NRCAM: variants seen among roughly 807,000 people sequenced by gnomAD.
NRCAM encodes the protein neuronal cell adhesion molecule.
NRCAM carries 83 observed loss-of-function variants against 156.5 expected under a neutral mutation model. The observed-to-expected ratio is 0.53, with a 90% CI of 0.44 to 0.64. The LOEUF is 0.64. Among genes scored for constraint, NRCAM ranks in the 30% least tolerant of loss-of-function variants. NRCAM has a pLI of 0.00. For missense variants in NRCAM, 1,417 were observed against 1,597.3 expected, an observed-to-expected ratio of 0.89 and a Z score of 1.92; for synonymous variants, 538 against 563.9, an observed-to-expected ratio of 0.95 and a Z score of 0.65.
intron 3 of NRCAM, among the ~76,000 whole-genome samples, chr7:108,242,258 CAAAAAAAA>C (rs11413420): frequency 3.1e-4 from 31 of 98,500 alleles, no homozygotes; most frequent in Admixed American, 1.3e-3. Flanking sequence ...GACCCCGTCT[CAAAAAAAA>C]AAAAAAAAAA....
chr7:108,312,677 T>C lies in NRCAM; in HGVS notation c.-119A>G, dbSNP rs1340713360. 2.0e-5 allele frequency: 3 copies of C among 152,234 alleles called. No individual in the cohort carries two copies. Among genetic ancestry groups the C allele is most frequent in the African/African-American group, 2.4e-5 (1 of 41,464 alleles). The allele number at this position is 152,234 out of a possible 1,614,324, so 9.4% of individuals were successfully genotyped here. On this transcript the variant is annotated 5_prime_UTR_variant, in exon 3 of 33. Transcript: ENST00000379028. The stretch of plus-strand genomic sequence containing the variant: ...GACAAACTCTTACCTTTGAAGAAGC[T>C]CTTAAGTTGTTCTTCCTTTTAATTC...
At chr7:108,240,716 G>C (rs1399323942) in intron 3 of NRCAM, among the ~76,000 whole-genome samples, 2 of 152,066 alleles carry the variant, frequency 1.3e-5, no homozygotes, top group African/African-American at 4.8e-5. Context: ...CCTCCCTGTA[G>C]TCACCCTCCT....
intron 3 of NRCAM, among the ~76,000 whole-genome samples, chr7:108,275,197 C>A (rs1309264868): frequency 2.0e-5 from 3 of 152,098 alleles, no homozygotes; most frequent in African/African-American, 7.2e-5. Context: ...GCCTAAAATT[C>A]TCTTTTTTTG....
intron 2 of NRCAM, 80 bp downstream of exon 2, chr7:108,399,356 C>G (rs1395141497): frequency 6.6e-6 from 1 of 152,182 alleles, no homozygotes; most frequent in African/African-American, 2.4e-5. Flanking sequence ...CCTCTTTTCA[C>G]TACTTTCCAA....
Position 108,447,177 on chromosome 7 carries a change from A to G in NRCAM, c.-332+9066T>C, listed in dbSNP as rs117204023. Among the ~76,000 whole-genome samples, 44 of 151,648 alleles carry G rather than the reference A, an allele frequency of 2.9e-4. 1 individual carries two copies. In the East Asian group the frequency reaches 8.1e-3, roughly 28 times the overall value. On this transcript the variant is annotated intron_variant, in intron 1 of 32. Coordinates refer to ENST00000379028, the MANE Select transcript of NRCAM (RefSeq NM_001037132.4). ...TTTGATACATTACAGCAGCTCACTC[A>G]TCATATAATCCTTATGCAAAGTGAA...
At chr7:108,153,078 C>G (rs2150992479) in intron 32 of NRCAM, among the ~76,000 whole-genome samples, 1 of 152,110 alleles carries the variant, frequency 6.6e-6, no homozygotes, top group East Asian at 1.9e-4. Context: ...TCATGAGAAC[C>G]ACTCCTTTAA....
At chr7:108,250,392 C>CGA (rs2153890151) in intron 3 of NRCAM, among the ~76,000 whole-genome samples, 1 of 136,000 alleles carries the variant, frequency 7.4e-6, no homozygotes, top group African/African-American at 2.8e-5. Context: ...TGCCATGGCA[C>CGA]TCCAGTCTGG....
chr7:108,234,206 G>A (rs1191592974), intron 6 of NRCAM, among the ~76,000 whole-genome samples: 3 of 152,128 alleles, frequency 2.0e-5, no homozygotes, highest in African/African-American at 4.8e-5. Flanking sequence ...AGAATCAAAA[G>A]GCTCTTTCCA....
At chr7:108,328,876 C>A (rs1157055463) in intron 2 of NRCAM, among the ~76,000 whole-genome samples, 1 of 152,096 alleles carries the variant, frequency 6.6e-6, no homozygotes, top group East Asian at 1.9e-4. Flanking sequence ...TTTAGAATGG[C>A]CATCTGGGTT....
At chr7:108,180,150 C>T in intron 25 of NRCAM, 73 bp downstream of exon 25, 1 of 1,305,714 alleles carries the variant, frequency 7.7e-7, no homozygotes, top group Non-Finnish European at 1.1e-6. Context: ...TGATCAGTAG[C>T]CCTTCTGTCA....
Position 108,176,513 on chromosome 7 carries a change from C to G in NRCAM, c.3068G>C (p.Arg1023Pro). The G allele has an allele frequency of 6.2e-7, 1 of 1,613,578 alleles. No individual in the cohort carries two copies. The highest frequency in any genetic ancestry group is 8.5e-7 in the Non-Finnish European group (1 of 1,179,774). Residue 1023 changes from arginine (R) to proline (P), a missense_variant, in exon 27 of 33, where the codon CGA (arginine) becomes CCA (proline). Transcript: ENST00000379028. Reference sequence around the variant, plus strand: ...TTGTGCATAGAAATAAAACTTATATCGAGTGCTGAAATTTAAATTTTTTAA... The same window carrying G: ...TTGTGCATAGAAATAAAACTTATATGGAGTGCTGAAATTTAAATTTTTTAA... Reference protein sequence around the residue: ...WTLKNLNFSTRYKFYFYAQTS... With the variant: ...WTLKNLNFSTPYKFYFYAQTS...
In NRCAM at chr7:108,232,521, A is replaced by C. The variant is rs886697526; in HGVS notation, c.232T>G (p.Phe78Val). The stretch of plus-strand genomic sequence containing the variant: ...TGAGTCCCATTACGGGTCCAGGAAA[A>C]GCTGCCCAACACACGAAGTGTTAAG... The part of the protein sequence containing the change: ...CEAKGKPPPS[F>V]SWTRNGTHFD... The change falls in exon 7 of 33, where the codon TTT (phenylalanine) becomes GTT (valine). Residue 78 changes from phenylalanine (F) to valine (V), a missense_variant and splice_region_variant. Phe to Val is a conservative substitution (Grantham distance 50). Around this residue, in one of 2 missense-constraint regions of NRCAM, gnomAD observed 1,238 missense variants for 1,336.4 expected, o/e 0.93. Coordinates refer to ENST00000379028, the MANE Select transcript of NRCAM (RefSeq NM_001037132.4). 35 of 1,607,500 alleles carry C rather than the reference A, an allele frequency of 2.2e-5. No homozygotes were observed. Among genetic ancestry groups the C allele is most frequent in the Non-Finnish European group, 2.8e-5 (33 of 1,177,472 alleles).
At chr7:108,426,872 A>T (rs1597582709) in intron 1 of NRCAM, among the ~76,000 whole-genome samples, 1 of 152,230 alleles carries the variant, frequency 6.6e-6, no homozygotes, top group Non-Finnish European at 1.5e-5. Context: ...TACAGCTGGC[A>T]GTTTACTATT....
At chr7:108,416,759 T>C (rs766144892) in intron 1 of NRCAM, among the ~76,000 whole-genome samples, 5 of 152,138 alleles carry the variant, frequency 3.3e-5, no homozygotes, top group Non-Finnish European at 5.9e-5. Context: ...TCAGATGAAA[T>C]TTCCATCACT....
At chr7:108,384,482 T>TA (rs539532081) in intron 2 of NRCAM, among the ~76,000 whole-genome samples, 30 of 151,104 alleles carry the variant, frequency 2.0e-4, no homozygotes, top group Non-Finnish European at 2.5e-4. Context: ...TGAAAGTAGC[T>TA]AAAAAAAAAT....
intron 3 of NRCAM, among the ~76,000 whole-genome samples, chr7:108,301,910 C>T (rs925178728): frequency 1.4e-4 from 21 of 152,214 alleles, no homozygotes; most frequent in Non-Finnish European, 2.6e-4. Context: ...TGCGACTCAG[C>T]TTTGTACATG....
chr7:108,193,792 G>C (rs2073543368), intron 17 of NRCAM, among the ~76,000 whole-genome samples: 1 of 152,140 alleles, frequency 6.6e-6, no homozygotes, highest in South Asian at 2.1e-4. Context: ...AATTACACAA[G>C]AGACCAGCAC....
intron 3 of NRCAM, among the ~76,000 whole-genome samples, chr7:108,285,212 T>C (rs891207524): frequency 6.6e-6 from 1 of 151,792 alleles, no homozygotes. Context: ...GTCTTCCACA[T>C]GCCTGCAAGA....
chr7:108,152,729 G>C (rs1241409798), intron 32 of NRCAM, among the ~76,000 whole-genome samples: 1 of 152,164 alleles, frequency 6.6e-6, no homozygotes, highest in Admixed American at 6.6e-5. Context: ...AGTTGCAGCA[G>C]AGACCGCGCG....
Sources: gnomAD v4.1 joint callset for allele counts (sites outside exome capture counted in the v4.1 genomes callset) on GRCh38, gnomAD v4.1.1 for gene constraint, gnomAD v4.1.1 regional missense constraint, MANE v1.5 for transcripts, NCBI Gene and HGNC (gene_info 2026-07-23, HGNC 2026-07-21) for gene names.